TTC6: variants seen among roughly 807,000 people sequenced by gnomAD.
The protein encoded by TTC6 is tetratricopeptide repeat protein 6.
In TTC6, 172 loss-of-function variants were observed where a neutral mutation model predicts 210.4. The ratio of observed to expected loss-of-function variants is 0.82; its 90% CI spans 0.72 to 0.93. The LOEUF (loss-of-function observed/expected upper bound fraction) is 0.93. Among genes scored for constraint, TTC6 ranks in the 40% least tolerant of loss-of-function variants. The probability of loss-of-function intolerance (pLI) is 0.00; values close to 1 mark genes in which losing one functional copy is unlikely to be tolerated. For missense variants in TTC6, 2,414 were observed against 2,318.1 expected (o/e 1.04, Z -0.85); for synonymous variants, 804 against 819.6 (o/e 0.98, Z 0.32).
At chr14:37,787,356 A>G in intron 14 of TTC6, 112 bp from the exon 17 acceptor site, 1 of 795,984 alleles carries the variant, frequency 1.3e-6, no homozygotes, top group Non-Finnish European at 1.8e-6. Flanking sequence ...TTGTGAAGCA[A>G]GGAGAAACAT....
At chr14:37,795,428 C>A in intron 18 of TTC6, 76 bp downstream of exon 20, 3 of 955,400 alleles carry the variant, frequency 3.1e-6, no homozygotes, top group East Asian at 3.0e-5. Flanking sequence ...TCAGTTCCCT[C>A]TTGAACCTTT....
chr14:37,742,311 C>T (rs2095922618), intron 10 of TTC6, among the ~76,000 whole-genome samples: 1 of 152,292 alleles, frequency 6.6e-6, no homozygotes, highest in Admixed American at 6.5e-5. Context: ...TGCTGCATTC[C>T]TCAGAGAAGC....
chr14:37,771,055 A>G (rs1263691190), intron 14 of TTC6, among the ~76,000 whole-genome samples: 2 of 139,884 alleles, frequency 1.4e-5, no homozygotes, highest in Admixed American at 7.3e-5. Flanking sequence ...TTTCTCCTTC[A>G]CTTATGAAGC....
intron 15 of TTC6, among the ~76,000 whole-genome samples, chr14:37,788,341 G>T (rs1317900512): frequency 2.6e-5 from 4 of 152,048 alleles, no homozygotes; most frequent in African/African-American, 7.2e-5. Context: ...ATATGCCTGT[G>T]TTCACCTGGG....
chr14:37,791,034 G>C (rs958832696), intron 16 of TTC6, among the ~76,000 whole-genome samples, 197 bp downstream of exon 18: 4 of 152,130 alleles, frequency 2.6e-5, no homozygotes, highest in Non-Finnish European at 5.9e-5. Flanking sequence ...ACATCTGTTT[G>C]CCTTGGGTGT....
chr14:37,790,543 A>G (rs2096077018), intron 15 of TTC6, among the ~76,000 whole-genome samples, 174 bp from the exon 18 acceptor site: 1 of 152,194 alleles, frequency 6.6e-6, no homozygotes, highest in African/African-American at 2.4e-5. Context: ...ATACATTTTA[A>G]TGTACAATAC....
At chr14:37,727,016 T>A (rs982906225) in intron 7 of TTC6, among the ~76,000 whole-genome samples, 6 of 151,872 alleles carry the variant, frequency 4.0e-5, no homozygotes, top group Non-Finnish European at 8.8e-5. Flanking sequence ...TTGAATACTT[T>A]CCCTATGTTT....
At chr14:37,727,488 T>C (rs1166384989) in intron 7 of TTC6, among the ~76,000 whole-genome samples, 1 of 151,514 alleles carries the variant, frequency 6.6e-6, no homozygotes, top group Non-Finnish European at 1.5e-5. Flanking sequence ...AGAGATGGGG[T>C]TTCACTGTTT....
At chr14:37,838,778 C>T (rs2096203562) in intron 29 of TTC6, among the ~76,000 whole-genome samples, 1 of 152,042 alleles carries the variant, frequency 6.6e-6, no homozygotes, top group East Asian at 1.9e-4. Context: ...GTTTGCTACA[C>T]CCATCGACGC....
At chr14:37,725,509 C>G (rs2138840182) in intron 7 of TTC6, among the ~76,000 whole-genome samples, 1 of 151,278 alleles carries the variant, frequency 6.6e-6, no homozygotes, top group South Asian at 2.1e-4. Flanking sequence ...TGCCACCACA[C>G]CTGGCTAATT....
At chr14:37,826,105 C>A in intron 27 of TTC6, 90 bp from the exon 30 acceptor site, 1 of 1,333,004 alleles carries the variant, frequency 7.5e-7, no homozygotes, top group Non-Finnish European at 1.0e-6. Context: ...TATACCCTTA[C>A]TAAAGGTTTT....
chr14:37,732,371 G>C (rs1165203071), intron 7 of TTC6, among the ~76,000 whole-genome samples: 1 of 151,166 alleles, frequency 6.6e-6, no homozygotes, highest in African/African-American at 2.4e-5. Flanking sequence ...TTTTAGTACA[G>C]ATGGGGTTTC....
chr14:37,663,086 T>G (rs1032016138), intron 1 of TTC6, among the ~76,000 whole-genome samples: 11 of 152,206 alleles, frequency 7.2e-5, no homozygotes, highest in Non-Finnish European at 1.3e-4. Flanking sequence ...TTTGTAATTC[T>G]CATTGTAGAG....
rs1448495023 is a variant in TTC6 at position 37,653,845 on chromosome 14, C to CT, written c.940-26300dup. Among the ~76,000 whole-genome samples, 23 of 152,130 alleles carry CT rather than the reference C, an allele frequency of 1.5e-4. 1 individual carries two copies. Among genetic ancestry groups the CT allele is most frequent in the Admixed American group, 1.4e-3 (21 of 15,276 alleles). ...ATTTGTTGTTGTTTTTAAGGTACAC[C>CT]TTTTTTATTTATTTATACACTGGCA... On this transcript the variant is annotated intron_variant, in intron 1 of 30. Coordinates refer to ENST00000553443, the Ensembl canonical transcript of TTC6.
rs191795919 is a variant in TTC6, at chr14:37,723,581, A to G, written c.1714-1317A>G. ...ACCAGGCTTCCATAATTCTCCCTCA[A>G]TTTATTAAATTTTTCAGTGCCAGTG... On this transcript the variant is annotated intron_variant, in intron 6 of 30. Transcript: ENST00000553443. 1.4e-3 allele frequency among the ~76,000 whole-genome samples: 208 copies of G among 152,158 alleles called. 2 individuals are homozygous for G. The Middle Eastern group carries it at 0.068, about 50-fold the overall frequency.
chr14:37,605,420 A>G (rs572874140), intron 1 of TTC6, among the ~76,000 whole-genome samples: 2 of 152,270 alleles, frequency 1.3e-5, no homozygotes, highest in South Asian at 4.1e-4. Context: ...GAAAACAGAA[A>G]AACAACACAT....
At chr14:37,697,826 A>G (rs1451432726) in intron 4 of TTC6, among the ~76,000 whole-genome samples, 3 of 152,184 alleles carry the variant, frequency 2.0e-5, no homozygotes, top group Non-Finnish European at 2.9e-5. Context: ...CAGATTATCA[A>G]TGAAGCAGAA....
At position 37,789,252 on chromosome 14, in the gene TTC6, G is replaced by A. The variant is rs189215359; in HGVS notation, c.3437-1465G>A. Among the ~76,000 whole-genome samples, 525 of 152,110 alleles carry A rather than the reference G, an allele frequency of 3.5e-3. 2 individuals are homozygous for A. The highest frequency in any genetic ancestry group is 6.2e-3 in the Non-Finnish European group (419 of 67,978). On this transcript the variant is annotated intron_variant, in intron 15 of 30. Transcript: ENST00000553443. ...ATATTCAGAGTAATGCTAGGAGCTC[G>A]GTACTATTTTCATTCACATTTTACT... is the stretch of plus-strand genomic sequence containing the variant.
At chr14:37,686,496 A>T (rs2095794017) in intron 3 of TTC6, among the ~76,000 whole-genome samples, 1 of 152,208 alleles carries the variant, frequency 6.6e-6, no homozygotes, top group Non-Finnish European at 1.5e-5. Context: ...GGCTGTGTCC[A>T]ATTCAATAAA....
Sources: gnomAD v4.1 joint callset for allele counts (sites outside exome capture counted in the v4.1 genomes callset) on GRCh38, gnomAD v4.1.1 for gene constraint, MANE v1.5 for transcripts, NCBI Gene and HGNC (gene_info 2026-07-23, HGNC 2026-07-21) for gene names.